FAM219A: variants seen among roughly 807,000 people sequenced by gnomAD.
FAM219A encodes protein FAM219A.
In FAM219A, 7 loss-of-function variants were observed where a neutral mutation model predicts 23.4. That is an observed-to-expected ratio of 0.30 (90% CI 0.17 to 0.56). The LOEUF (loss-of-function observed/expected upper bound fraction) is 0.56. FAM219A is among the 20% of genes least tolerant of loss of function. The pLI is 0.92. For synonymous variants in FAM219A, 93 were observed against 99.0 expected, an observed-to-expected ratio of 0.94 and a Z score of 0.36; for missense variants, 166 against 246.9, an observed-to-expected ratio of 0.67 and a Z score of 2.20.
chr9:34,428,815 C>T (rs181415660), intron 1 of FAM219A, among the ~76,000 whole-genome samples: 1 of 152,328 alleles, frequency 6.6e-6, no homozygotes, highest in Admixed American at 6.5e-5. Flanking sequence ...CTTGTTTCTT[C>T]TCCAGGCTTC....
At chr9:34,410,767 A>C (rs1821794823) in intron 1 of FAM219A, among the ~76,000 whole-genome samples, 1 of 152,176 alleles carries the variant, frequency 6.6e-6, no homozygotes, top group South Asian at 2.1e-4. Flanking sequence ...GAAAGATTGT[A>C]ATGGTTAAAA....
intron 1 of FAM219A, among the ~76,000 whole-genome samples, chr9:34,453,924 AACCCAACT>A (rs1823647258): frequency 6.6e-6 from 1 of 152,184 alleles, no homozygotes. Context: ...TACCGAACTC[AACCCAACT>A]GATCAACAGA....
chr9:34,457,807 C>G lies in FAM219A; in HGVS notation c.60+397G>C, dbSNP rs560809608. 1.1e-4 allele frequency among the ~76,000 whole-genome samples: 16 copies of G among 152,306 alleles called. No homozygotes were observed. Among genetic ancestry groups the G allele is most frequent in the African/African-American group, 3.4e-4 (14 of 41,582 alleles). On this transcript the variant is annotated intron_variant, in intron 1 of 5. Coordinates refer to ENST00000651358, the MANE Select transcript of FAM219A (RefSeq NM_001184940.2). The surrounding 1 kb of genome is among the most constrained non-coding windows in gnomAD (Gnocchi z 5.1). The stretch of plus-strand genomic sequence containing the variant: ...CTCTTAGCCTGACGGCTCCCCCGCC[C>G]TAAGCATCACAGGCCTCTAGGACTA...
chr9:34,425,208 C>T (rs1822412904), intron 1 of FAM219A, among the ~76,000 whole-genome samples: 1 of 152,188 alleles, frequency 6.6e-6, no homozygotes, highest in Non-Finnish European at 1.5e-5. Context: ...ATGAGGCCCA[C>T]AGTGGCTCAT....
chr9:34,426,568 C>T (rs1213964710), intron 1 of FAM219A, among the ~76,000 whole-genome samples: 1 of 152,206 alleles, frequency 6.6e-6, no homozygotes, highest in Non-Finnish European at 1.5e-5. Flanking sequence ...TAGGAACAGG[C>T]AATGGCGCCG....
chr9:34,439,331 A>G (rs2131997765), intron 1 of FAM219A, among the ~76,000 whole-genome samples: 1 of 152,336 alleles, frequency 6.6e-6, no homozygotes, highest in African/African-American at 2.4e-5. Context: ...TGGGGTTACC[A>G]AGTAAATGAG....
chr9:34,438,562 C>T (rs557161795), intron 1 of FAM219A, among the ~76,000 whole-genome samples: 1 of 152,204 alleles, frequency 6.6e-6, no homozygotes, highest in Non-Finnish European at 1.5e-5. Context: ...ACCTTTATGT[C>T]TAGCTCAGGG....
chr9:34,409,301 T>C (rs1398897429), intron 1 of FAM219A, among the ~76,000 whole-genome samples: 1 of 152,218 alleles, frequency 6.6e-6, no homozygotes. Context: ...ATGCAGCCAA[T>C]GCACCACAAC....
intron 1 of FAM219A, among the ~76,000 whole-genome samples, chr9:34,434,586 T>C (rs1822835034): frequency 6.6e-6 from 1 of 152,018 alleles, no homozygotes; most frequent in African/African-American, 2.4e-5. Flanking sequence ...AAAATGGCCA[T>C]ACAGAAAACG....
At chr9:34,436,254 G>T (rs1269948214) in intron 1 of FAM219A, among the ~76,000 whole-genome samples, 2 of 150,860 alleles carry the variant, frequency 1.3e-5, no homozygotes, top group Admixed American at 1.3e-4. Context: ...GATTTTTTTG[G>T]GTTTTTTTTG....
chr9:34,433,957 C>T (rs907396141), intron 1 of FAM219A, among the ~76,000 whole-genome samples: 1 of 152,030 alleles, frequency 6.6e-6, no homozygotes, highest in African/African-American at 2.4e-5. Context: ...AATCCCAGCA[C>T]TTTGGGAGGC....
chr9:34,446,586 G>A (rs1315373657), intron 1 of FAM219A, among the ~76,000 whole-genome samples: 1 of 152,214 alleles, frequency 6.6e-6, no homozygotes, highest in East Asian at 1.9e-4. Flanking sequence ...TGATACCATA[G>A]AGAATGTGAG....
intron 2 of FAM219A, 51 bp downstream of exon 2, chr9:34,405,814 A>G: frequency 6.4e-7 from 1 of 1,560,210 alleles, no homozygotes; most frequent in South Asian, 1.1e-5. Context: ...GACCCAGCCC[A>G]GAGTATCTTG....
At chr9:34,413,290 G>GA (rs1821889311) in intron 1 of FAM219A, among the ~76,000 whole-genome samples, 1 of 152,152 alleles carries the variant, frequency 6.6e-6, no homozygotes, top group African/African-American at 2.4e-5. Flanking sequence ...GGAAAAAGGT[G>GA]AACACTAAGG....
intron 1 of FAM219A, among the ~76,000 whole-genome samples, chr9:34,409,221 A>C (rs1243921214): frequency 6.6e-6 from 1 of 152,264 alleles, no homozygotes; most frequent in Non-Finnish European, 1.5e-5. Context: ...TGGCAAGCAC[A>C]AAGATCTCTG....
At chr9:34,419,661 C>T (rs1278747718) in intron 1 of FAM219A, among the ~76,000 whole-genome samples, 1 of 152,134 alleles carries the variant, frequency 6.6e-6, no homozygotes, top group Non-Finnish European at 1.5e-5. Flanking sequence ...GCCAGATTGA[C>T]GTGTGGATTC....
Position 34,458,290 on chromosome 9 carries a change from G to A in FAM219A, c.-27C>T. On this transcript the variant is annotated 5_prime_UTR_variant, in exon 1 of 6. Coordinates refer to ENST00000651358, the MANE Select transcript of FAM219A (RefSeq NM_001184940.2). This position sits in a 1 kb window ranked among gnomAD's most constrained non-coding sequence, Gnocchi z 6.6. Reference sequence around the variant, plus strand: ...GTGCCGGCGGGCGAGCGGGCCAGGGGCCGGGCGCGGCCGCGGACGCCGACA... The same window carrying A: ...GTGCCGGCGGGCGAGCGGGCCAGGGACCGGGCGCGGCCGCGGACGCCGACA... 3.6e-6 allele frequency: 5 copies of A among 1,377,218 alleles called. No homozygotes were observed. Among genetic ancestry groups the A allele is most frequent in the Non-Finnish European group, 4.7e-6 (5 of 1,065,876 alleles). 85.3% of individuals were successfully genotyped at this position (1,377,218 alleles called of 1,614,324 possible). A position where few individuals can be genotyped will look rare whatever the true frequency, so the allele number is the denominator to read the frequency against.
intron 1 of FAM219A, among the ~76,000 whole-genome samples, chr9:34,415,117 C>A (rs1423801677): frequency 1.4e-5 from 1 of 72,298 alleles, no homozygotes; most frequent in Non-Finnish European, 3.4e-5. Context: ...CTATGCCTGG[C>A]TAAATTTTTT....
intron 1 of FAM219A, among the ~76,000 whole-genome samples, chr9:34,409,143 G>C (rs1346472912): frequency 6.6e-6 from 1 of 152,228 alleles, no homozygotes; most frequent in Non-Finnish European, 1.5e-5. Context: ...CCTAGGCTGA[G>C]GGGTCCCATG....
Sources: gnomAD v4.1 joint callset for allele counts (sites outside exome capture counted in the v4.1 genomes callset) on GRCh38, gnomAD v4.1.1 for gene constraint, Gnocchi (gnomAD v3.1) non-coding constraint, MANE v1.5 for transcripts, NCBI Gene and HGNC (gene_info 2026-07-23, HGNC 2026-07-21) for gene names.